The following BACH2 variants were observed in gnomAD, a reference collection of about 807,000 sequenced individuals.
The protein encoded by BACH2 is BACH transcriptional regulator 2.
In BACH2, 5 loss-of-function variants were observed where a neutral mutation model predicts 61.8. The observed-to-expected ratio is 0.08, with a 90% CI of 0.04 to 0.17. The LOEUF (loss-of-function observed/expected upper bound fraction) is 0.17. BACH2 is among the 10% of genes least tolerant of loss of function. BACH2 has a pLI of 1.00. For missense variants in BACH2, 824 were observed against 1,091.1 expected, an observed-to-expected ratio of 0.76 and a Z score of 3.45; for synonymous variants, 446 against 440.1, an observed-to-expected ratio of 1.01 and a Z score of -0.17.
At chr6:89,954,110 CAAAG>C (rs944878744) in intron 6 of BACH2, among the ~76,000 whole-genome samples, 3 of 151,974 alleles carry the variant, frequency 2.0e-5, no homozygotes, top group Non-Finnish European at 2.9e-5. Context: ...GGCTCCACCA[CAAAG>C]AAAGAAATGG....
intron 3 of BACH2, among the ~76,000 whole-genome samples, chr6:90,231,929 T>C (rs1012461621): frequency 6.6e-6 from 1 of 152,120 alleles, no homozygotes; most frequent in African/African-American, 2.4e-5. Context: ...CAGGAGGAAA[T>C]GTACTGATCT....
chr6:90,177,293 T>C (rs1471157292), intron 4 of BACH2, among the ~76,000 whole-genome samples: 1 of 152,178 alleles, frequency 6.6e-6, no homozygotes, highest in Non-Finnish European at 1.5e-5. Context: ...AGGGATGGTA[T>C]CTTATTTTTT....
At chr6:90,006,760 G>A (rs1194167761) in intron 6 of BACH2, among the ~76,000 whole-genome samples, 3 of 152,064 alleles carry the variant, frequency 2.0e-5, no homozygotes, top group African/African-American at 7.2e-5. Context: ...GAGACCACAG[G>A]TGTGTGCCAC....
intron 3 of BACH2, among the ~76,000 whole-genome samples, chr6:90,243,564 A>T (rs1770528676): frequency 6.6e-6 from 1 of 152,156 alleles, no homozygotes; most frequent in Non-Finnish European, 1.5e-5. Flanking sequence ...ACATTCTCTG[A>T]CTAGCATTAT....
At chr6:90,196,576 T>C (rs1768765418) in intron 4 of BACH2, among the ~76,000 whole-genome samples, 1 of 152,164 alleles carries the variant, frequency 6.6e-6, no homozygotes, top group African/African-American at 2.4e-5. Flanking sequence ...TCACAGCAAA[T>C]TGTTTATGGG....
rs148166193 is a variant in BACH2, at chr6:90,260,775, C to G, written c.-352-8185G>C. ...ACAAAAGATATATTGAGAAAGGAAG[C>G]CACAGAATGTGGGAGGTCCTTCAAA... On this transcript the variant is annotated intron_variant, in intron 2 of 8. Transcript: ENST00000257749. Among the ~76,000 whole-genome samples, 608 of 152,254 alleles carry G rather than the reference C, an allele frequency of 4.0e-3. 4 individuals are homozygous for G. The highest frequency in any genetic ancestry group is 0.013 in the African/African-American group (553 of 41,552).
chr6:90,084,678 G>C (rs1431700189), intron 5 of BACH2, among the ~76,000 whole-genome samples: 1 of 151,940 alleles, frequency 6.6e-6, no homozygotes, highest in African/African-American at 2.4e-5. Flanking sequence ...TCTGGCGTGA[G>C]AATGAGTGGA....
rs138267634 is a variant in BACH2 at position 89,957,094 on chromosome 6, C to T, written c.244-5232G>A. 2.8e-3 allele frequency among the ~76,000 whole-genome samples: 427 copies of T among 152,276 alleles called. 1 individual carries two copies. The highest frequency in any genetic ancestry group is 9.5e-3 in the African/African-American group (396 of 41,560). ...ACCCCTGCCCAAGGGCTTTTTAAAACGCTAGACCACTGACAACCCCTCTGG... is the reference window on the plus strand; with the variant it reads ...ACCCCTGCCCAAGGGCTTTTTAAAATGCTAGACCACTGACAACCCCTCTGG... On this transcript the variant is annotated intron_variant, in intron 6 of 8. Coordinates refer to ENST00000257749, the MANE Select transcript of BACH2 (RefSeq NM_021813.4).
At chr6:89,980,963 C>A (rs1374758692) in intron 6 of BACH2, among the ~76,000 whole-genome samples, 2 of 151,206 alleles carry the variant, frequency 1.3e-5, no homozygotes, top group Non-Finnish European at 2.9e-5. Flanking sequence ...GTATTAACCA[C>A]AAAGAGACGT....
chr6:90,032,267 A>G (rs1357427289), intron 5 of BACH2, among the ~76,000 whole-genome samples: 1 of 150,176 alleles, frequency 6.7e-6, no homozygotes, highest in Non-Finnish European at 1.5e-5. Context: ...AAGAAAACCT[A>G]GGCAATACCA....
At chr6:90,166,014 C>A (rs1014171892) in intron 4 of BACH2, among the ~76,000 whole-genome samples, 5 of 152,038 alleles carry the variant, frequency 3.3e-5, no homozygotes, top group African/African-American at 4.8e-5. Flanking sequence ...GACTTCATGT[C>A]TAAAACACCA....
chr6:90,162,545 G>A (rs556760691), intron 4 of BACH2, among the ~76,000 whole-genome samples: 3 of 152,158 alleles, frequency 2.0e-5, no homozygotes, highest in Non-Finnish European at 4.4e-5. Flanking sequence ...GGGAGTCTGA[G>A]GTGGGAGGAT....
chr6:90,150,743 T>G (rs916222226), intron 4 of BACH2, among the ~76,000 whole-genome samples: 1 of 152,116 alleles, frequency 6.6e-6, no homozygotes. Flanking sequence ...CCCCTTGTGT[T>G]GCTGGAATGG....
At chr6:90,176,968 C>T (rs1400091642) in intron 4 of BACH2, among the ~76,000 whole-genome samples, 1 of 152,046 alleles carries the variant, frequency 6.6e-6, no homozygotes, top group African/African-American at 2.4e-5. Context: ...GACTTTAGAC[C>T]ACAGCACTGT....
chr6:90,182,665 A>T (rs1333718766), intron 4 of BACH2, among the ~76,000 whole-genome samples: 1 of 152,214 alleles, frequency 6.6e-6, no homozygotes, highest in Non-Finnish European at 1.5e-5. Context: ...GTATTAATTC[A>T]CAAGGTAAAT....
At chr6:89,935,869 AC>A (rs1196975064) in intron 8 of BACH2, among the ~76,000 whole-genome samples, 1 of 152,218 alleles carries the variant, frequency 6.6e-6, no homozygotes, top group African/African-American at 2.4e-5. Context: ...GTAGACTCAC[AC>A]CCAGTGGACT....
chr6:90,151,087 G>A (rs946403509), intron 4 of BACH2, among the ~76,000 whole-genome samples: 18 of 152,136 alleles, frequency 1.2e-4, no homozygotes, highest in Non-Finnish European at 2.5e-4. Flanking sequence ...ATGCATCAAA[G>A]GGCCTACTCA....
At chr6:90,172,115 G>A (rs540990830) in intron 4 of BACH2, among the ~76,000 whole-genome samples, 1 of 152,258 alleles carries the variant, frequency 6.6e-6, no homozygotes, top group African/African-American at 2.4e-5. Flanking sequence ...AGACCAGCCT[G>A]ACCAAAATGG....
At chr6:90,115,428 T>G (rs1483955999) in intron 4 of BACH2, among the ~76,000 whole-genome samples, 3 of 151,872 alleles carry the variant, frequency 2.0e-5, no homozygotes, top group Non-Finnish European at 2.9e-5. Flanking sequence ...GGAAAAAGAC[T>G]CTATTCAATA....
Sources: gnomAD v4.1 joint callset for allele counts (sites outside exome capture counted in the v4.1 genomes callset) on GRCh38, gnomAD v4.1.1 for gene constraint, MANE v1.5 for transcripts, NCBI Gene and HGNC (gene_info 2026-07-23, HGNC 2026-07-21) for gene names.